Variants in FAM81A observed in about 807,000 individuals in gnomAD.
The protein encoded by FAM81A is family with sequence similarity 81 member A, also known as protein FAM81A.
In FAM81A, 19 loss-of-function variants were observed where a neutral mutation model predicts 46.7. That is an observed-to-expected ratio of 0.41 (90% CI 0.28 to 0.60). The LOEUF (loss-of-function observed/expected upper bound fraction) is 0.60. FAM81A is among the 20% of genes least tolerant of loss of function. FAM81A has a pLI of 0.34. For missense variants in FAM81A, 377 were observed against 453.5 expected (o/e 0.83, Z 1.53); for synonymous variants, 183 against 152.9 (o/e 1.20, Z -1.45).
At chr15:59,477,971 T>C (rs1284095086) in intron 3 of FAM81A, among the ~76,000 whole-genome samples, 2 of 152,206 alleles carry the variant, frequency 1.3e-5, no homozygotes, top group East Asian at 3.8e-4. Context: ...GAGGAAGTAA[T>C]ATAGTCAACT....
intron 2 of FAM81A, among the ~76,000 whole-genome samples, chr15:59,429,080 G>A (rs1395932661): frequency 6.6e-6 from 1 of 152,114 alleles, no homozygotes; most frequent in East Asian, 1.9e-4. Context: ...AGTTTAGCTG[G>A]GTGTAGAATT....
intron 3 of FAM81A, among the ~76,000 whole-genome samples, chr15:59,468,648 A>T (rs1223789563): frequency 1.4e-4 from 13 of 91,488 alleles, no homozygotes; most frequent in Admixed American, 1.0e-3. Context: ...GTTGATGTTT[A>T]AAAAAAAAAA....
intron 1 of FAM81A, among the ~76,000 whole-genome samples, chr15:59,448,386 A>T (rs1053910451): frequency 6.6e-6 from 1 of 152,154 alleles, no homozygotes; most frequent in Non-Finnish European, 1.5e-5. Flanking sequence ...GAAAAAAAAG[A>T]AATTGCAGTG....
At chr15:59,422,217 T>C (rs2081177185) in intron 2 of FAM81A, among the ~76,000 whole-genome samples, 1 of 152,022 alleles carries the variant, frequency 6.6e-6, no homozygotes, top group South Asian at 2.1e-4. Context: ...TGAGACCCTG[T>C]CTCTACACAA....
chr15:59,433,945 T>C (rs1474898888), upstream of FAM81A, among the ~76,000 whole-genome samples: 1 of 152,202 alleles, frequency 6.6e-6, no homozygotes, highest in Non-Finnish European at 1.5e-5. Context: ...ACCCTCTGCC[T>C]CCCAGGTTTG....
intron 1 of FAM81A, among the ~76,000 whole-genome samples, chr15:59,399,431 G>A (rs2081061051): frequency 1.3e-5 from 2 of 152,164 alleles, no homozygotes; most frequent in Non-Finnish European, 1.5e-5. Flanking sequence ...AAAGACAAGA[G>A]AATGGATGTG....
intron 3 of FAM81A, among the ~76,000 whole-genome samples, chr15:59,469,298 T>C (rs1459894091): frequency 2.0e-5 from 3 of 152,160 alleles, no homozygotes; most frequent in African/African-American, 7.2e-5. Flanking sequence ...CTGTCTAATA[T>C]TGACAGTGGG....
At chr15:59,438,610 ACTC>A (rs2081262729) in intron 1 of FAM81A, 1 of 152,172 alleles carries the variant, frequency 6.6e-6, no homozygotes, top group South Asian at 2.1e-4. Flanking sequence ...CCGACCCACT[ACTC>A]AGAGTGAGTG....
chr15:59,477,715 C>T (rs1214016640), intron 3 of FAM81A, among the ~76,000 whole-genome samples: 1 of 152,214 alleles, frequency 6.6e-6, no homozygotes, highest in Non-Finnish European at 1.5e-5. Context: ...TCTGGGTCTC[C>T]TTGCCCCTTC....
chr15:59,426,463 A>G (rs2081195198), intron 2 of FAM81A, among the ~76,000 whole-genome samples: 1 of 152,192 alleles, frequency 6.6e-6, no homozygotes, highest in South Asian at 2.1e-4. Context: ...AAAATACAAA[A>G]TTAGCCAGGC....
At chr15:59,469,405 G>A (rs1442560977) in intron 3 of FAM81A, among the ~76,000 whole-genome samples, 1 of 152,124 alleles carries the variant, frequency 6.6e-6, no homozygotes, top group Non-Finnish European at 1.5e-5. Context: ...TGTATTGGGT[G>A]CATATATATT....
chr15:59,489,238 C>T (rs182697638), intron 3 of FAM81A, among the ~76,000 whole-genome samples: 18 of 151,934 alleles, frequency 1.2e-4, no homozygotes, highest in Admixed American at 3.9e-4. Flanking sequence ...GCACTCTAGC[C>T]GGGACAACAG....
chr15:59,493,006 G>A lies in FAM81A; in HGVS notation c.413+617G>A, dbSNP rs377004378. ...GCACTGTACCAGGACTGTGTCTAGG[G>A]CTATTTTTATCTGGCTGGGACAAAT... On this transcript the variant is annotated intron_variant, in intron 4 of 8. Coordinates refer to ENST00000288228, the MANE Select transcript of FAM81A (RefSeq NM_152450.3). Among the ~76,000 whole-genome samples the A allele has an allele frequency of 3.3e-5, 5 of 152,140 alleles. No homozygotes were observed. In the South Asian group the frequency reaches 1.0e-3, roughly 31 times the overall value.
At chr15:59,430,257 T>G in intron 2 of FAM81A, among the ~76,000 whole-genome samples, 1 of 74,904 alleles carries the variant, frequency 1.3e-5, no homozygotes, top group Non-Finnish European at 3.3e-5. Context: ...TATTTCCCTT[T>G]TTTTTTTTTT....
chr15:59,424,558 T>C (rs1008581090), intron 2 of FAM81A, among the ~76,000 whole-genome samples: 3 of 152,240 alleles, frequency 2.0e-5, no homozygotes, highest in Admixed American at 2.0e-4. Flanking sequence ...CATTACATAC[T>C]TGACAAGTCC....
intron 6 of FAM81A, among the ~76,000 whole-genome samples, chr15:59,511,941 A>G (rs2082214158): frequency 6.6e-6 from 1 of 152,068 alleles, no homozygotes; most frequent in South Asian, 2.1e-4. Flanking sequence ...AAGCCACTGC[A>G]CCCGGCCCAT....
intron 2 of FAM81A, among the ~76,000 whole-genome samples, chr15:59,425,830 G>GC (rs2081192423): frequency 6.6e-6 from 1 of 152,102 alleles, no homozygotes; most frequent in Non-Finnish European, 1.5e-5. Flanking sequence ...TCACTATGCT[G>GC]CCCAGGCTTG....
At chr15:59,507,819 C>T (rs561777713) in intron 5 of FAM81A, among the ~76,000 whole-genome samples, 14 of 152,326 alleles carry the variant, frequency 9.2e-5, no homozygotes, top group Admixed American at 8.5e-4. Context: ...AGTATTTGAC[C>T]TCAAACGTCA....
intron 2 of FAM81A, among the ~76,000 whole-genome samples, chr15:59,405,319 A>C (rs2140466213): frequency 6.6e-6 from 1 of 152,278 alleles, no homozygotes; most frequent in Admixed American, 6.5e-5. Context: ...TTGGGAGGGT[A>C]CAAAGAATAC....
Sources: gnomAD v4.1 joint callset for allele counts (sites outside exome capture counted in the v4.1 genomes callset) on GRCh38, gnomAD v4.1.1 for gene constraint, MANE v1.5 for transcripts, NCBI Gene and HGNC (gene_info 2026-07-23, HGNC 2026-07-21) for gene names.